Variants in RUSF1 observed in about 807,000 individuals in gnomAD.
The protein encoded by RUSF1 is RUS1 family protein C16orf58.
RUSF1 carries 58 observed loss-of-function variants against 63.0 expected under a neutral mutation model. The observed-to-expected ratio is 0.92, with a 90% confidence interval of 0.75 to 1.15. The LOEUF (loss-of-function observed/expected upper bound fraction) is 1.15. Ranked by LOEUF, RUSF1 falls within the 50% of genes most tolerant of loss-of-function variation. RUSF1 has a pLI of 0.00. For missense variants in RUSF1, 652 were observed against 611.0 expected, an observed-to-expected ratio of 1.07 and a Z score of -0.71; for synonymous variants, 274 against 255.8, an observed-to-expected ratio of 1.07 and a Z score of -0.68.
At chr16:31,493,408 T>C (rs1334241918) in intron 9 of RUSF1, 59 bp downstream of exon 9, 7 of 1,540,484 alleles carry the variant, frequency 4.5e-6, no homozygotes, top group Non-Finnish European at 6.2e-6. Flanking sequence ...CAGTGTGTAA[T>C]CGGAGTGAGG....
intron 6 of RUSF1, among the ~76,000 whole-genome samples, chr16:31,494,572 GAC>G (rs2082592481): frequency 6.6e-6 from 1 of 152,008 alleles, no homozygotes; most frequent in Non-Finnish European, 1.5e-5. Context: ...CAGCCTGGGA[GAC>G]ACAGTGATAC....
chr16:31,490,416 G>T lies in RUSF1; in HGVS notation c.*419C>A, dbSNP rs368278064. 1.9e-6 allele frequency: 3 copies of T among 1,613,478 alleles called. No homozygotes were observed. The African/African-American group carries it at 4.0e-5, about 22-fold the overall frequency. On this transcript the variant is annotated 3_prime_UTR_variant, in exon 13 of 13. Transcript: ENST00000327237. Reference sequence around the variant, plus strand: ...TCCGCCCCTTACCCAGGAGGAGGCAGCGGCAGCAGCCAGGCGGCTGGAGGA... The same window carrying T: ...TCCGCCCCTTACCCAGGAGGAGGCATCGGCAGCAGCCAGGCGGCTGGAGGA...
In RUSF1 at chr16:31,489,988, T is replaced by C. The variant is rs1350196036; in HGVS notation, c.*847A>G. 4.3e-6 allele frequency: 6 copies of C among 1,388,056 alleles called. No homozygotes were observed. The highest frequency in any genetic ancestry group is 2.4e-5 in the South Asian group (2 of 81,728). 86.0% of individuals were successfully genotyped at this position (1,388,056 alleles called of 1,614,324 possible). On this transcript the variant is annotated 3_prime_UTR_variant, in exon 13 of 13. Transcript: ENST00000327237. ...GCATGAGTTAAGCCTGGGCTGGGTG[T>C]GTAGACTGGACAGAGGTGGGTAGGG...
intron 6 of RUSF1, among the ~76,000 whole-genome samples, chr16:31,496,090 T>G (rs965614831): frequency 1.3e-5 from 2 of 151,956 alleles, no homozygotes; most frequent in Non-Finnish European, 2.9e-5. Context: ...GTGTGAGAGT[T>G]TGTTTGTTTT....
intron 12 of RUSF1, 75 bp downstream of exon 12, chr16:31,491,934 G>T: frequency 6.8e-7 from 1 of 1,462,846 alleles, no homozygotes. Context: ...AGGTGAAAGG[G>T]TGGGAGTGGG....
chr16:31,501,890 T>G (rs1264273307), intron 2 of RUSF1, among the ~76,000 whole-genome samples: 2 of 152,186 alleles, frequency 1.3e-5, no homozygotes, highest in Non-Finnish European at 2.9e-5. Context: ...AAATAAAGTA[T>G]TACTGGAATG....
In RUSF1 at chr16:31,500,268, G is replaced by A. The variant is rs894553280; in HGVS notation, c.461+418C>T. On this transcript the variant is annotated intron_variant, in intron 3 of 12. Coordinates refer to ENST00000327237, the MANE Select transcript of RUSF1 (RefSeq NM_022744.4). ...GGGAGAGGTATCAGACACACATAAC[G>A]AGATCCTGAACACATGGCCTGGTTG... Among the ~76,000 whole-genome samples, 4 of 152,260 alleles carry A rather than the reference G, an allele frequency of 2.6e-5. No homozygotes were observed. The South Asian group carries it at 6.2e-4, about 24-fold the overall frequency.
Position 31,490,657 on chromosome 16 carries a change from C to T in RUSF1, c.*178G>A, listed in dbSNP as rs976338121. On this transcript the variant is annotated 3_prime_UTR_variant, in exon 13 of 13. Transcript: ENST00000327237. The stretch of plus-strand genomic sequence containing the variant: ...GAGAAGGTCCTGGCTCCCCTTCTCC[C>T]GGCCTTCCTCTGCCTGGGGCCCACT... 2.3e-5 allele frequency: 25 copies of T among 1,103,678 alleles called. No homozygotes were observed. The highest frequency in any genetic ancestry group is 5.1e-5 in the East Asian group (2 of 39,536). 68.4% of individuals were successfully genotyped at this position (1,103,678 alleles called of 1,614,324 possible). A position where few individuals can be genotyped will look rare whatever the true frequency, so the allele number is the denominator to read the frequency against.
At chr16:31,495,261 G>C (rs1329086830) in intron 6 of RUSF1, among the ~76,000 whole-genome samples, 1 of 152,038 alleles carries the variant, frequency 6.6e-6, no homozygotes, top group African/African-American at 2.4e-5. Flanking sequence ...TCCTGGCATA[G>C]AGAGGACCCG....
At chr16:31,499,919 G>C (rs1003756216) in intron 3 of RUSF1, among the ~76,000 whole-genome samples, 1 of 152,090 alleles carries the variant, frequency 6.6e-6, no homozygotes, top group African/African-American at 2.4e-5. Context: ...ATCACATTGA[G>C]TGTGTAACCC....
In RUSF1 at chr16:31,492,073, C is replaced by CTCTT; in HGVS notation, c.1241_1244dup (p.Ser416ArgfsTer40). On this transcript the variant is annotated frameshift_variant, in exon 12 of 13. Coordinates refer to ENST00000327237, the MANE Select transcript of RUSF1 (RefSeq NM_022744.4). LOFTEE classifies it high-confidence loss of function. ...GTGTCTCCTTGACGACGACCCAGCT[C>CTCTT]TCTTTCTTAGGACCTGGGTACGGGG... 3 of 1,614,214 alleles carry CTCTT rather than the reference C, an allele frequency of 1.9e-6. No individual in the cohort carries two copies. In the South Asian group the frequency reaches 3.3e-5, roughly 18 times the overall value.
At chr16:31,500,605 A>T in intron 3 of RUSF1, 81 bp downstream of exon 3, 1 of 1,505,616 alleles carries the variant, frequency 6.6e-7, no homozygotes, top group Non-Finnish European at 9.1e-7. Flanking sequence ...TACAGCCACA[A>T]TTAATGGCAA....
chr16:31,507,909 G>T, intron 1 of RUSF1, 31 bp from the exon 2 acceptor site: 1 of 1,548,316 alleles, frequency 6.5e-7, no homozygotes, highest in Non-Finnish European at 8.7e-7. Context: ...GGTGAGAAGC[G>T]GGCGTAGGAG....
chr16:31,492,952 A>C (rs1191608813), intron 10 of RUSF1, 26 bp downstream of exon 10: 2 of 1,594,782 alleles, frequency 1.3e-6, no homozygotes, highest in East Asian at 4.5e-5. Flanking sequence ...GGTGCGTCTT[A>C]GGCTGGGAGA....
chr16:31,497,437 G>A (rs780969956), intron 5 of RUSF1, among the ~76,000 whole-genome samples: 10 of 152,040 alleles, frequency 6.6e-5, no homozygotes, highest in Non-Finnish European at 1.3e-4. Context: ...AATCAAGGAG[G>A]GTCACTGGTC....
rs769367407 is a variant in RUSF1 at position 31,492,303 on chromosome 16, G to C, written c.1125C>G (p.Pro375=). The change falls in exon 11 of 13, where the codon CCC becomes CCG. Residue 375 remains proline (P), a synonymous_variant. Coordinates refer to ENST00000327237, the MANE Select transcript of RUSF1 (RefSeq NM_022744.4). ...GTGTGGCGGCCCTTAGGATGGTCTT[G>C]GGGCCTGCCTTCTGGTTCAGAACTA... The part of the protein sequence containing the change: ...VQVVLNQKAG[P]KTILRAATHG... The C allele has an allele frequency of 6.2e-7, 1 of 1,602,304 alleles. No homozygotes were observed. The highest frequency in any genetic ancestry group is 1.1e-5 in the South Asian group (1 of 89,708).
rs940914030 is a variant in RUSF1 at position 31,489,480 on chromosome 16, G to A, written c.*1355C>T. Reference sequence around the variant, plus strand: ...GGGTCCAGCTGCAGTTGCAATTGCCGAGCAAGAATTTTTATTTAAATACAT... The same window carrying A: ...GGGTCCAGCTGCAGTTGCAATTGCCAAGCAAGAATTTTTATTTAAATACAT... On this transcript the variant is annotated 3_prime_UTR_variant, in exon 13 of 13. Transcript: ENST00000327237. 5 of 738,132 alleles carry A rather than the reference G, an allele frequency of 6.8e-6. No homozygotes were observed. Among genetic ancestry groups the A allele is most frequent in the Non-Finnish European group, 9.2e-6 (4 of 433,060 alleles). The allele number at this position is 738,132 out of a possible 1,614,324, so 45.7% of individuals were successfully genotyped here. A position where few individuals can be genotyped will look rare whatever the true frequency, so the allele number is the denominator to read the frequency against.
rs779764069 is a variant in RUSF1, at chr16:31,493,917, G to A, written c.722C>T (p.Ala241Val). 2.9e-5 allele frequency: 47 copies of A among 1,613,994 alleles called. No homozygotes were observed. Among genetic ancestry groups the A allele is most frequent in the Middle Eastern group, 1.6e-4 (1 of 6,084 alleles). Residue 241 changes from alanine (A) to valine (V), a missense_variant, in exon 7 of 13, where the codon GCG becomes GTG. By Grantham distance (64) the Ala-to-Val change is moderately conservative. Transcript: ENST00000327237. ...DSSQETLVNL[A>V]GLLVSLLMLP... Reference sequence around the variant, plus strand: ...CATCAGGAGGCTGACCAAGAGCCCCGCCAGGTTCACCAGCGTCTCCTGGAA... The same window carrying A: ...CATCAGGAGGCTGACCAAGAGCCCCACCAGGTTCACCAGCGTCTCCTGGAA...
chr16:31,490,127 C>T lies in RUSF1; in HGVS notation c.*708G>A. 6.2e-7 allele frequency: 1 copy of T among 1,614,082 alleles called. No individual in the cohort carries two copies. The highest frequency in any genetic ancestry group is 8.5e-7 in the Non-Finnish European group (1 of 1,180,032). ...AGCTCCACCGCCTGGTCTTCAGTCT[C>T]CGGCATAGCAAGGAGGAACGGGAGG... On this transcript the variant is annotated 3_prime_UTR_variant, in exon 13 of 13. Coordinates refer to ENST00000327237, the MANE Select transcript of RUSF1 (RefSeq NM_022744.4).
Sources: gnomAD v4.1 joint callset for allele counts (sites outside exome capture counted in the v4.1 genomes callset) on GRCh38, gnomAD v4.1.1 for gene constraint, MANE v1.5 for transcripts, NCBI Gene and HGNC (gene_info 2026-07-23, HGNC 2026-07-21) for gene names.